The following NRXN3 variants were observed in gnomAD, a reference collection of about 807,000 sequenced individuals.
NRXN3 encodes the protein neurexin 3, also known as neurexin III.
Under a neutral mutation model 137.6 loss-of-function variants are expected in NRXN3, and 32 were observed. The observed-to-expected ratio is 0.23, with a 90% CI of 0.18 to 0.31. NRXN3 has a LOEUF of 0.31. Ranked by LOEUF, NRXN3 falls within the 10% of genes least tolerant of loss-of-function variation. The pLI, the probability that NRXN3 is intolerant of heterozygous loss-of-function variation, is 1.00. For missense variants in NRXN3, 1,574 were observed against 2,062.5 expected, an observed-to-expected ratio of 0.76 and a Z score of 4.59; for synonymous variants, 798 against 784.5, an observed-to-expected ratio of 1.02 and a Z score of -0.29.
intron 4 of NRXN3, among the ~76,000 whole-genome samples, chr14:78,616,705 AGGGCACAGATG>A (rs2097350860): frequency 2.0e-5 from 3 of 152,242 alleles, no homozygotes; most frequent in Non-Finnish European, 4.4e-5. Flanking sequence ...TAGGCCCAAG[AGGGCACAGATG>A]GGCAAGGGTG....
At chr14:78,783,547 G>T (rs911452283) in intron 8 of NRXN3, among the ~76,000 whole-genome samples, 3 of 152,130 alleles carry the variant, frequency 2.0e-5, no homozygotes, top group Non-Finnish European at 2.9e-5. Context: ...ATGTATATTT[G>T]CTATGATTGA....
At chr14:79,414,884 G>A (rs1567061019) in intron 15 of NRXN3, among the ~76,000 whole-genome samples, 1 of 151,806 alleles carries the variant, frequency 6.6e-6, no homozygotes, top group Non-Finnish European at 1.5e-5. Context: ...CTGACCCCTG[G>A]TAACCACACT....
intron 15 of NRXN3, among the ~76,000 whole-genome samples, chr14:79,135,901 T>A (rs914881102): frequency 6.6e-6 from 1 of 152,214 alleles, no homozygotes; most frequent in East Asian, 1.9e-4. Flanking sequence ...AAACTACAGC[T>A]ATGTTTAAAA....
chr14:78,225,524 C>T (rs928543291), intron 1 of NRXN3, among the ~76,000 whole-genome samples: 15 of 150,418 alleles, frequency 1.0e-4, no homozygotes, highest in Admixed American at 2.6e-4. Context: ...GAGTAGGTTG[C>T]GAAAATTTTC....
chr14:79,467,284 A>G lies in NRXN3; in HGVS notation c.3326A>G (p.Asp1109Gly). 1 of 1,613,236 alleles carries G rather than the reference A, an allele frequency of 6.2e-7. No homozygotes were observed. Among genetic ancestry groups the G allele is most frequent in the Non-Finnish European group, 8.5e-7 (1 of 1,179,170 alleles). The part of the protein sequence containing the change: ...GLILYTWPAN[D>G]RPSTRSDRLA... ...ATCCTCTACACCTGGCCAGCCAATG[A>G]CAGGCCCAGCACGCGGTCTGACCGC... Residue 1109 changes from aspartate (D) to glycine (G), a missense_variant, in exon 16 of 21, where the codon GAC becomes GGC. By Grantham distance (94) the Asp-to-Gly change is moderately conservative. Coordinates refer to ENST00000335750, the MANE Select transcript of NRXN3 (RefSeq NM_001330195.2).
intron 4 of NRXN3, among the ~76,000 whole-genome samples, chr14:78,509,931 A>T (rs2096069797): frequency 6.6e-6 from 1 of 152,022 alleles, no homozygotes; most frequent in Non-Finnish European, 1.5e-5. Context: ...TTGAAAGTAA[A>T]GGTTCTGAGA....
intron 16 of NRXN3, among the ~76,000 whole-genome samples, chr14:79,530,581 A>G (rs1236571186): frequency 6.8e-6 from 1 of 146,560 alleles, no homozygotes; most frequent in Admixed American, 6.7e-5. Flanking sequence ...TTTGAAGAAA[A>G]AGAGGTTTTT....
chr14:79,613,152 G>C (rs982345539), intron 16 of NRXN3, among the ~76,000 whole-genome samples: 1 of 152,162 alleles, frequency 6.6e-6, no homozygotes, highest in African/African-American at 2.4e-5. Context: ...TAATCATAAG[G>C]TAATCTTAAA....
intron 1 of NRXN3, among the ~76,000 whole-genome samples, chr14:78,212,930 A>G (rs1235058501): frequency 6.6e-6 from 1 of 152,204 alleles, no homozygotes. Flanking sequence ...TCTGGTTAAA[A>G]TGTGGTTTGG....
chr14:78,421,643 T>C (rs1390569575), intron 4 of NRXN3, among the ~76,000 whole-genome samples: 1 of 152,180 alleles, frequency 6.6e-6, no homozygotes, highest in Non-Finnish European at 1.5e-5. Flanking sequence ...ACATTTTTCA[T>C]TGGCCATCTC....
At chr14:79,295,590 G>A (rs1348173542) in intron 15 of NRXN3, among the ~76,000 whole-genome samples, 1 of 152,076 alleles carries the variant, frequency 6.6e-6, no homozygotes, top group Non-Finnish European at 1.5e-5. Flanking sequence ...CAGTACCTAA[G>A]GCAGTGACTG....
At chr14:78,449,527 A>G (rs1051023621) in intron 4 of NRXN3, among the ~76,000 whole-genome samples, 36 of 152,298 alleles carry the variant, frequency 2.4e-4, no homozygotes, top group African/African-American at 7.2e-4. Context: ...TATCACATTT[A>G]TTATCTTACA....
intron 4 of NRXN3, among the ~76,000 whole-genome samples, chr14:78,513,772 A>T (rs2096154233): frequency 6.6e-6 from 1 of 152,150 alleles, no homozygotes; most frequent in African/African-American, 2.4e-5. Context: ...GGTGTTCAGG[A>T]TTATCAATAT....
At chr14:78,435,326 G>C (rs1185278675) in intron 4 of NRXN3, among the ~76,000 whole-genome samples, 4 of 152,142 alleles carry the variant, frequency 2.6e-5, no homozygotes, top group African/African-American at 9.7e-5. Flanking sequence ...CCTGTGAGAA[G>C]GGTGCATGTA....
At chr14:78,543,829 C>T (rs2096613904) in intron 4 of NRXN3, among the ~76,000 whole-genome samples, 4 of 152,044 alleles carry the variant, frequency 2.6e-5, no homozygotes, top group Admixed American at 6.6e-5. Context: ...TGCAGGTAGC[C>T]TCTTCAGGGT....
rs1042228307 is a variant in NRXN3, at chr14:78,351,896, T to C, written c.757+54036T>C. On this transcript the variant is annotated intron_variant, in intron 4 of 20. Coordinates refer to ENST00000335750, the MANE Select transcript of NRXN3 (RefSeq NM_001330195.2). ...TGCCTTATTAAAAAAAATCTCCTCC[T>C]ATTTCGGTGTCATAAACATAGTAGG... Among the ~76,000 whole-genome samples the C allele has an allele frequency of 9.2e-5, 14 of 151,754 alleles. 1 individual carries two copies. The highest frequency in any genetic ancestry group is 8.5e-4 in the Admixed American group (13 of 15,228).
intron 4 of NRXN3, among the ~76,000 whole-genome samples, chr14:78,428,430 A>C (rs1001196655): frequency 6.6e-6 from 1 of 152,050 alleles, no homozygotes; most frequent in Non-Finnish European, 1.5e-5. Context: ...CCCCAACTCT[A>C]TCTCAATTTC....
intron 15 of NRXN3, among the ~76,000 whole-genome samples, chr14:78,993,811 T>G (rs31402): frequency 0.011 from 1,742 of 151,500 alleles, 33 homozygotes; most frequent in African/African-American, 0.04. Context: ...TTAGGATGGT[T>G]TTCATTGAAG....
At chr14:79,447,610 G>A (rs992179700) in intron 15 of NRXN3, among the ~76,000 whole-genome samples, 1 of 152,200 alleles carries the variant, frequency 6.6e-6, no homozygotes, top group East Asian at 1.9e-4. Flanking sequence ...CTTGAACAGT[G>A]ACCATTCAGT....
Sources: gnomAD v4.1 joint callset for allele counts (sites outside exome capture counted in the v4.1 genomes callset) on GRCh38, gnomAD v4.1.1 for gene constraint, MANE v1.5 for transcripts, NCBI Gene and HGNC (gene_info 2026-07-23, HGNC 2026-07-21) for gene names.